Variants in TMEM114 observed in about 807,000 individuals in gnomAD.
The protein encoded by TMEM114 is claudin-26.
A neutral mutation model predicts 6.2 loss-of-function variants in TMEM114; 6 were observed. The observed-to-expected ratio is 0.97, with a 90% CI of 0.53 to 1.91. The LOEUF is 1.91. Ranked by LOEUF, TMEM114 falls within the 40% of genes most tolerant of loss-of-function variation. The pLI is 0.01. For missense variants in TMEM114, 218 were observed against 158.3 expected, an observed-to-expected ratio of 1.38 and a Z score of -2.02; for synonymous variants, 104 against 73.0, an observed-to-expected ratio of 1.42 and a Z score of -2.16.
rs966612253 is a variant in TMEM114 at position 8,564,437 on chromosome 16, G to A, written n.212+24776C>T. The stretch of plus-strand genomic sequence containing the variant: ...AGTGAGTAAATGAGTGAGTGAGGGA[G>A]GGAGGGAATGAGTGAGTGAGTAAAT... On this transcript the variant is annotated intron_variant and non_coding_transcript_variant, in intron 2 of 2. Transcript: ENST00000623677. Among the ~76,000 whole-genome samples, 204 of 148,294 alleles carry A rather than the reference G, an allele frequency of 1.4e-3. 5 individuals are homozygous for A. The highest frequency in any genetic ancestry group is 4.8e-3 in the African/African-American group (190 of 39,358).
At chr16:8,564,349 A>C (rs1901439985) in intron 2 of TMEM114, among the ~76,000 whole-genome samples, 2 of 145,544 alleles carry the variant, frequency 1.4e-5, no homozygotes, top group Admixed American at 1.4e-4. Flanking sequence ...CAGTGAGAGA[A>C]TGAGTCAGTG....
At chr16:8,568,275 TG>T (rs1182098373), downstream of TMEM114, among the ~76,000 whole-genome samples, 1 of 152,142 alleles carries the variant, frequency 6.6e-6, no homozygotes, top group East Asian at 1.9e-4. Context: ...GAGGAGTCAT[TG>T]CCCCCCCAGT....
At position 8,574,582 on chromosome 16, in the gene TMEM114, C is replaced by CTTCTTTCTTTCTTTCTTTCTTTCTTTCT. The variant is rs60193962; in HGVS notation, c.302-2359_302-2358insAGAAAGAAAGAAAGAAAGAAAGAAAGAA. On this transcript the variant is annotated intron_variant, in intron 2 of 3. Coordinates refer to ENST00000620492, the MANE Select transcript of TMEM114 (RefSeq NM_001146336.2). ...CTTTCTTTCTTTCTTTCCTTCCTTC[C>CTTCTTTCTTTCTTTCTTTCTTTCTTTCT]TTCTTTCTTTCTTTCTTTCTTTCTT... Among the ~76,000 whole-genome samples the CTTCTTTCTTTCTTTCTTTCTTTCTTTCT allele has an allele frequency of 1.5e-3, 209 of 142,566 alleles. 1 individual carries two copies. The highest frequency in any genetic ancestry group is 5.3e-3 in the African/African-American group (203 of 38,654). The allele number at this position is 142,566 out of a possible 152,430, so 93.5% of individuals were successfully genotyped here.
the TMEM114 span, among the ~76,000 whole-genome samples, chr16:8,528,956 C>T: frequency 2.6e-5 from 4 of 152,186 alleles, no homozygotes; most frequent in Admixed American, 6.5e-5. Flanking sequence ...CTGCAGGAAT[C>T]CCTGGCAGAC....
At position 8,570,130 on chromosome 16, in the gene TMEM114, A is replaced by G. The variant is rs1451432441; in HGVS notation, c.440-125T>C. ...CGTCCTCGCTCCTTCCTGCTGCGGG[A>G]CCTTTGCGCGTGCTAGTCTCCCCGC... On this transcript the variant is annotated intron_variant, in intron 3 of 3. Transcript: ENST00000620492. 1.1e-5 allele frequency: 14 copies of G among 1,313,536 alleles called. 1 individual carries two copies. The South Asian group carries it at 1.9e-4, about 18-fold the overall frequency. The allele number at this position is 1,313,536 out of a possible 1,614,324, so 81.4% of individuals were successfully genotyped here. A position where few individuals can be genotyped will look rare whatever the true frequency, so the allele number is the denominator to read the frequency against.
chr16:8,542,105 C>T (rs1284077051), intron 2 of TMEM114, among the ~76,000 whole-genome samples: 2 of 151,856 alleles, frequency 1.3e-5, no homozygotes. Flanking sequence ...AGTCATCCCC[C>T]ATCACCCTTC....
At chr16:8,555,472 G>A (rs115204065) in intron 2 of TMEM114, among the ~76,000 whole-genome samples, 50,037 of 147,718 alleles carry the variant, frequency 0.34, 8,516 homozygotes, top group East Asian at 0.44. Flanking sequence ...GTAATTTCCG[G>A]GTGGTGGGGA....
intron 2 of TMEM114, among the ~76,000 whole-genome samples, chr16:8,548,351 T>G (rs1016040455): frequency 6.6e-5 from 10 of 152,218 alleles, no homozygotes; most frequent in African/African-American, 2.4e-5. Context: ...ACATGTTTCT[T>G]GAGTGCCGGG....
chr16:8,532,895 G>A (rs1384932471), downstream of TMEM114, among the ~76,000 whole-genome samples: 2 of 152,150 alleles, frequency 1.3e-5, no homozygotes, highest in African/African-American at 2.4e-5. Flanking sequence ...CTGCACTCCA[G>A]CCTGGGTGAC....
chr16:8,564,394 T>A (rs1208116172), intron 2 of TMEM114, among the ~76,000 whole-genome samples: 1 of 148,000 alleles, frequency 6.8e-6, no homozygotes, highest in Non-Finnish European at 1.5e-5. Context: ...AGGGAATGAG[T>A]GAGTGAGTGA....
In TMEM114 at chr16:8,538,739, C is replaced by T. The variant is rs545275269; in HGVS notation, n.213-913G>A. Among the ~76,000 whole-genome samples the T allele has an allele frequency of 4.7e-4, 72 of 151,986 alleles. No homozygotes were observed. In the South Asian group the frequency reaches 0.015, roughly 31 times the overall value. ...GCCAGGATGGTGTCGATCTCCTGAC[C>T]TCGTGATCCGCCCACCTCGGCCTCC... On this transcript the variant is annotated intron_variant and non_coding_transcript_variant, in intron 2 of 2. Transcript: ENST00000623677.
intron 2 of TMEM114, among the ~76,000 whole-genome samples, chr16:8,574,065 T>C (rs548066519): frequency 1.3e-5 from 2 of 152,234 alleles, no homozygotes; most frequent in East Asian, 3.9e-4. Context: ...CTATGTCAGT[T>C]TCTAGGAAAT....
chr16:8,585,630 GAA>G (rs145782890), intron 2 of TMEM114, among the ~76,000 whole-genome samples: 5 of 142,606 alleles, frequency 3.5e-5, no homozygotes, highest in African/African-American at 1.0e-4. Flanking sequence ...ATTATGCGGA[GAA>G]AAAAAAAAAA....
At chr16:8,569,449 G>T (rs776271610), downstream of TMEM114, 1 of 1,166,882 alleles carries the variant, frequency 8.6e-7, no homozygotes, top group Non-Finnish European at 1.1e-6. Flanking sequence ...GGGTGAGGAG[G>T]AAATGAAGTC....
chr16:8,557,336 T>C (rs1388281153), intron 2 of TMEM114, among the ~76,000 whole-genome samples: 2 of 152,034 alleles, frequency 1.3e-5, no homozygotes, highest in Non-Finnish European at 2.9e-5. Context: ...GCCCTGATAC[T>C]ACCATATTGT....
downstream of TMEM114, among the ~76,000 whole-genome samples, chr16:8,532,828 G>A (rs1158112406): frequency 2.6e-5 from 4 of 152,156 alleles, no homozygotes; most frequent in Admixed American, 1.3e-4. Flanking sequence ...GGAGGCTGAG[G>A]CAGGAGAATG....
intron 2 of TMEM114, among the ~76,000 whole-genome samples, chr16:8,561,482 G>T (rs996329652): frequency 1.3e-5 from 2 of 152,194 alleles, no homozygotes; most frequent in Non-Finnish European, 2.9e-5. Flanking sequence ...ACCCCAGAAT[G>T]TCAGCTTCAA....
At chr16:8,550,847 T>C (rs909649122) in intron 2 of TMEM114, among the ~76,000 whole-genome samples, 1 of 152,088 alleles carries the variant, frequency 6.6e-6, no homozygotes, top group Admixed American at 6.6e-5. Context: ...CACCCTGTGG[T>C]CCTCGCTGAA....
At chr16:8,540,103 C>G (rs576634779) in intron 2 of TMEM114, among the ~76,000 whole-genome samples, 1 of 152,272 alleles carries the variant, frequency 6.6e-6, no homozygotes, top group Admixed American at 6.5e-5. Flanking sequence ...GGATTACAGG[C>G]TTGAACTGCT....
Sources: allele counts gnomAD v4.1 joint callset (sites outside exome capture counted in the v4.1 genomes callset), GRCh38; gene constraint gnomAD v4.1.1; transcripts MANE v1.5; gene names NCBI Gene and HGNC (gene_info 2026-07-23, HGNC 2026-07-21).